MYO7B: variants seen among roughly 807,000 people sequenced by gnomAD.
MYO7B encodes the protein myosin VIIB.
A neutral mutation model predicts 259.7 loss-of-function variants in MYO7B; 212 were observed. That is an observed-to-expected ratio of 0.82 (90% CI 0.73 to 0.91). The LOEUF is 0.91. MYO7B is among the 40% of genes least tolerant of loss of function. The pLI, the probability that MYO7B is intolerant of heterozygous loss-of-function variation, is 0.00. For synonymous variants in MYO7B, 1,197 were observed against 1,166.4 expected, an observed-to-expected ratio of 1.03 and a Z score of -0.54; for missense variants, 2,732 against 2,813.5, an observed-to-expected ratio of 0.97 and a Z score of 0.66.
At chr2:127,573,830 C>T (rs1678745846) in intron 6 of MYO7B, 90 bp from the exon 7 acceptor site, 5 of 1,524,676 alleles carry the variant, frequency 3.3e-6, no homozygotes, top group Non-Finnish European at 4.5e-6. Flanking sequence ...GGCTTGGCCA[C>T]CTCCTCTGAG....
intron 1 of MYO7B, among the ~76,000 whole-genome samples, chr2:127,541,201 C>T (rs564990767): frequency 1.3e-5 from 2 of 152,090 alleles, no homozygotes; most frequent in South Asian, 2.1e-4. Flanking sequence ...GTGGCTGTCT[C>T]CACGGTGAAG....
chr2:127,559,614 T>C lies in MYO7B; in HGVS notation c.-23-86T>C. 7.9e-7 allele frequency: 1 copy of C among 1,264,248 alleles called. No individual in the cohort carries two copies. The highest frequency in any genetic ancestry group is 1.5e-5 in the African/African-American group (1 of 67,716). 78.3% of individuals were successfully genotyped at this position (1,264,248 alleles called of 1,614,324 possible). ...CCATGCCGGGCACTTAGGGAAGTGTTGGTGAACAAGCCCAGCTCCTGTGCT... is the reference window on the plus strand; with the variant it reads ...CCATGCCGGGCACTTAGGGAAGTGTCGGTGAACAAGCCCAGCTCCTGTGCT... On this transcript the variant is annotated intron_variant, in intron 1 of 47. Coordinates refer to ENST00000409816, the MANE Select transcript of MYO7B (RefSeq NM_001393586.1). The surrounding 1 kb of genome is among the most constrained non-coding windows in gnomAD (Gnocchi z 4.1).
chr2:127,631,706 C>G lies in MYO7B; in HGVS notation c.5202C>G (p.Asp1734Glu), dbSNP rs368612510. ...TLALQHPALQDEVYCQILKQL... is the reference protein window; with the variant it reads ...TLALQHPALQEEVYCQILKQL... ...CCCTGCAGCACCCGGCCCTCCAGGA[C>G]GAGGTCTACTGCCAGATCCTGAAGC... Residue 1734 changes from aspartate to glutamate, a missense_variant, in exon 38 of 48, where the codon GAC becomes GAG. Asp to Glu is a conservative substitution (Grantham distance 45). Around this residue, in one of 3 missense-constraint regions of MYO7B, gnomAD observed 821 missense variants for 769.3 expected, o/e 1.07. Transcript: ENST00000409816. 4.3e-6 allele frequency: 7 copies of G among 1,613,002 alleles called. No individual in the cohort carries two copies. The highest frequency in any genetic ancestry group is 5.1e-6 in the Non-Finnish European group (6 of 1,179,856).
At chr2:127,545,021 G>T (rs996269924) in intron 1 of MYO7B, among the ~76,000 whole-genome samples, 1 of 152,138 alleles carries the variant, frequency 6.6e-6, no homozygotes, top group Non-Finnish European at 1.5e-5. Flanking sequence ...CACCGCACCC[G>T]GCCCTAACCA....
chr2:127,634,540 T>A (rs1334181110), intron 41 of MYO7B, 56 bp from the exon 42 acceptor site: 1 of 1,492,600 alleles, frequency 6.7e-7, no homozygotes, highest in East Asian at 2.4e-5. Flanking sequence ...CAGCAGGTTC[T>A]CAGGAGGACA....
At chr2:127,544,701 C>T (rs965709202) in intron 1 of MYO7B, among the ~76,000 whole-genome samples, 3 of 152,018 alleles carry the variant, frequency 2.0e-5, no homozygotes, top group African/African-American at 7.2e-5. Context: ...CTGCCTCAGC[C>T]TCCCGAGTAG....
chr2:127,596,521 C>G lies in MYO7B; in HGVS notation c.2304C>G (p.Leu768=). 6.2e-7 allele frequency: 1 copy of G among 1,613,556 alleles called. No individual in the cohort carries two copies. The highest frequency in any genetic ancestry group is 8.5e-7 in the Non-Finnish European group (1 of 1,179,722). ...QRSQVLDRAA[L]SIQKVLRGYR... ...GCCAGGTGCTAGACAGAGCGGCGCT[C>G]AGCATCCAGAAAGTCCTTCGGGGCT... Residue 768 remains leucine, a synonymous_variant, in exon 19 of 48, where the codon CTC becomes CTG. Coordinates refer to ENST00000409816, the MANE Select transcript of MYO7B (RefSeq NM_001393586.1).
Position 127,581,926 on chromosome 2 carries a change from G to A in MYO7B, c.1116G>A (p.Lys372=), listed in dbSNP as rs370094047. 6.2e-7 allele frequency: 1 copy of A among 1,613,766 alleles called. No individual in the cohort carries two copies. Among genetic ancestry groups the A allele is most frequent in the Non-Finnish European group, 8.5e-7 (1 of 1,179,878 alleles). ...AGGAGCTCCGGGACTGTCTGATCAAGCACACCATCCTCATCCGAGGGGAAT... is the reference window on the plus strand; with the variant it reads ...AGGAGCTCCGGGACTGTCTGATCAAACACACCATCCTCATCCGAGGGGAAT... ...QHQELRDCLI[K]HTILIRGEFV... The change falls in exon 11 of 48, where the codon AAG becomes AAA. Residue 372 remains lysine, a synonymous_variant. Transcript: ENST00000409816.
At chr2:127,572,707 A>G (rs1281724846) in intron 6 of MYO7B, among the ~76,000 whole-genome samples, 1 of 152,092 alleles carries the variant, frequency 6.6e-6, no homozygotes, top group African/African-American at 2.4e-5. Context: ...CCTGTCTAAA[A>G]TCAACTGACC....
At position 127,627,254 on chromosome 2, in the gene MYO7B, G is replaced by A. The variant is rs750612495; in HGVS notation, c.4404G>A (p.Gln1468=). ...NWKGLCFLDQ[Q]EKMLLELSFP... ...AGGGGCTTTGCTTCCTGGACCAGCA[G>A]GAGAAGATGCTGCTGGAACTCTCTT... The change falls in exon 33 of 48, where the codon CAG becomes CAA. Residue 1468 remains glutamine (Q), a synonymous_variant. Coordinates refer to ENST00000409816, the MANE Select transcript of MYO7B (RefSeq NM_001393586.1). The surrounding 1 kb of genome is among the most constrained non-coding windows in gnomAD (Gnocchi z 5.6). 1.2e-6 allele frequency: 2 copies of A among 1,612,484 alleles called. No individual in the cohort carries two copies. Among genetic ancestry groups the A allele is most frequent in the Non-Finnish European group, 1.7e-6 (2 of 1,179,478 alleles).
chr2:127,637,511 C>T lies in MYO7B; in HGVS notation c.*94C>T, dbSNP rs918164546. 3.3e-5 allele frequency: 32 copies of T among 979,278 alleles called. No homozygotes were observed. The highest frequency in any genetic ancestry group is 4.1e-5 in the Non-Finnish European group (28 of 682,904). The allele number at this position is 979,278 out of a possible 1,614,324, so 60.7% of individuals were successfully genotyped here. ...CTCTCAACCCAGGGCCTGTCCTTGGCGGGCAGCCTTCCATGCTGCCCCCCA... is the reference window on the plus strand; with the variant it reads ...CTCTCAACCCAGGGCCTGTCCTTGGTGGGCAGCCTTCCATGCTGCCCCCCA... On this transcript the variant is annotated 3_prime_UTR_variant, in exon 48 of 48. Transcript: ENST00000409816.
At chr2:127,561,193 T>C (rs567543698) in intron 2 of MYO7B, among the ~76,000 whole-genome samples, 1 of 152,230 alleles carries the variant, frequency 6.6e-6, no homozygotes, top group Non-Finnish European at 1.5e-5. Flanking sequence ...AAAACACCTC[T>C]TGGGGCCCTA....
At position 127,621,303 on chromosome 2, in the gene MYO7B, G is replaced by A. The variant is rs368262353; in HGVS notation, c.3526-679G>A. On this transcript the variant is annotated intron_variant, in intron 27 of 47. Transcript: ENST00000409816. ...TTTTGAGACGGAGTCTCACTCTGTC[G>A]CCCAGGCCAGAGTGCAGTGGAGCGA... is the stretch of plus-strand genomic sequence containing the variant. Among the ~76,000 whole-genome samples the A allele has an allele frequency of 8.7e-5, 12 of 138,720 alleles. No homozygotes were observed. In the East Asian group the frequency reaches 1.9e-3, roughly 22 times the overall value. The allele number at this position is 138,720 out of a possible 152,430, so 91.0% of individuals were successfully genotyped here.
At position 127,569,783 on chromosome 2, in the gene MYO7B, T is replaced by C. The variant is rs1678509143; in HGVS notation, c.471-6T>C. The C allele has an allele frequency of 1.2e-6, 2 of 1,609,658 alleles. No homozygotes were observed. Among genetic ancestry groups the C allele is most frequent in the Admixed American group, 1.7e-5 (1 of 59,594 alleles). On this transcript the variant is annotated splice_region_variant and splice_polypyrimidine_tract_variant and intron_variant, in intron 5 of 47. Coordinates refer to ENST00000409816, the MANE Select transcript of MYO7B (RefSeq NM_001393586.1). ...GGCATCATGTCCCTGCACACCCTTT[T>C]TGCAGCGGCGAGTCTGGGGCTGGCA... is the stretch of plus-strand genomic sequence containing the variant.
In MYO7B at chr2:127,628,540, CAGACTGGGTGGGGT is replaced by C. The variant is rs2105115085; in HGVS notation, c.4624+6_4624+19del. The C allele has an allele frequency of 1.2e-6, 1 of 865,618 alleles. No individual in the cohort carries two copies. The highest frequency in any genetic ancestry group is 1.8e-5 in the South Asian group (1 of 56,266). The allele number at this position is 865,618 out of a possible 1,614,324, so 53.6% of individuals were successfully genotyped here. A position where few individuals can be genotyped will look rare whatever the true frequency, so the allele number is the denominator to read the frequency against. On this transcript the variant is annotated splice_donor_region_variant and intron_variant, in intron 34 of 47. Coordinates refer to ENST00000409816, the MANE Select transcript of MYO7B (RefSeq NM_001393586.1). This position sits in a 1 kb window ranked among gnomAD's most constrained non-coding sequence, Gnocchi z 4.8. ...TGCAGGACAGGAAGGCCACAGGTGC[CAGACTGGGTGGGGT>C]GGGGTGGGGTGGGGTGGGGTGGGGG...
In MYO7B at chr2:127,590,118, C is replaced by T. The variant is rs1167177620; in HGVS notation, c.1881C>T (p.Ser627=). ...FKSADSNKRP[S]TLGSQFKQSL... ...CTGCAGACTCAAATAAACGGCCCTC[C>T]ACCTTAGGAAGCCAGTTCAAACAGT... Residue 627 remains serine (S), a synonymous_variant, in exon 16 of 48, where the codon TCC becomes TCT. Transcript: ENST00000409816. This position sits in a 1 kb window ranked among gnomAD's most constrained non-coding sequence, Gnocchi z 4.6. 2 of 1,597,806 alleles carry T rather than the reference C, an allele frequency of 1.3e-6. No homozygotes were observed. Among genetic ancestry groups the T allele is most frequent in the Non-Finnish European group, 1.7e-6 (2 of 1,172,680 alleles).
chr2:127,565,025 C>A (rs1311000501), intron 3 of MYO7B, among the ~76,000 whole-genome samples: 1 of 152,224 alleles, frequency 6.6e-6, no homozygotes, highest in Non-Finnish European at 1.5e-5. Flanking sequence ...CCATGCTGAC[C>A]CAGCCATAGA....
chr2:127,581,118 T>C (rs1679081113), intron 10 of MYO7B, among the ~76,000 whole-genome samples: 1 of 152,170 alleles, frequency 6.6e-6, no homozygotes, highest in Admixed American at 6.5e-5. Flanking sequence ...CCCTCCACCC[T>C]GTCAGGTCCC....
intron 1 of MYO7B, among the ~76,000 whole-genome samples, chr2:127,544,611 C>T (rs1363927500): frequency 3.0e-5 from 4 of 131,950 alleles, no homozygotes; most frequent in Admixed American, 8.6e-5. Flanking sequence ...GGTGGAGTCT[C>T]GCTCTTTCGC....
Sources: allele counts gnomAD v4.1 joint callset (sites outside exome capture counted in the v4.1 genomes callset), GRCh38; gene constraint gnomAD v4.1.1; regional missense constraint gnomAD v4.1.1; non-coding constraint Gnocchi (gnomAD v3.1); transcripts MANE v1.5; gene names NCBI Gene and HGNC (gene_info 2026-07-23, HGNC 2026-07-21).